RNF150: variants seen among roughly 807,000 people sequenced by gnomAD.
The protein encoded by RNF150 is ring finger protein 150.
Under a neutral mutation model 39.3 loss-of-function variants are expected in RNF150, and 24 were observed. The ratio of observed to expected loss-of-function variants is 0.61; its 90% CI spans 0.44 to 0.86. The LOEUF (loss-of-function observed/expected upper bound fraction) is 0.86. Among genes scored for constraint, RNF150 ranks in the 40% least tolerant of loss-of-function variants. The probability of loss-of-function intolerance (pLI) is 0.00; values close to 1 mark genes in which losing one functional copy is unlikely to be tolerated. For missense variants in RNF150, 502 were observed against 587.8 expected (o/e 0.85, Z 1.51); for synonymous variants, 255 against 227.3 (o/e 1.12, Z -1.10).
chr4:140,889,316 C>T (rs1303397215), intron 6 of RNF150, among the ~76,000 whole-genome samples: 1 of 152,178 alleles, frequency 6.6e-6, no homozygotes, highest in Non-Finnish European at 1.5e-5. Context: ...CCTCTATTCT[C>T]ACACCTTTCA....
At chr4:141,173,301 G>A (rs1727760808) in intron 1 of RNF150, among the ~76,000 whole-genome samples, 1 of 152,150 alleles carries the variant, frequency 6.6e-6, no homozygotes, top group Non-Finnish European at 1.5e-5. Flanking sequence ...TATAGTGGGT[G>A]TCTTTTATAA....
Position 140,878,219 on chromosome 4 carries a change from T to C in RNF150, c.1199-9840A>G, listed in dbSNP as rs531300507. The stretch of plus-strand genomic sequence containing the variant: ...TCTTGTTTTATCACCCAGGCTGGAG[T>C]GCAGTGGCACAATCTTGGCTTACCT... On this transcript the variant is annotated intron_variant, in intron 6 of 6. Coordinates refer to ENST00000515673, the MANE Select transcript of RNF150 (RefSeq NM_020724.2). Among the ~76,000 whole-genome samples the C allele has an allele frequency of 4.0e-3, 222 of 54,876 alleles. 1 individual carries two copies. The highest frequency in any genetic ancestry group is 0.013 in the African/African-American group (214 of 16,122). 36.0% of individuals were successfully genotyped at this position (54,876 alleles called of 152,430 possible).
chr4:140,902,862 T>A (rs1032610948), intron 6 of RNF150, among the ~76,000 whole-genome samples: 4 of 152,168 alleles, frequency 2.6e-5, no homozygotes, highest in African/African-American at 9.7e-5. Flanking sequence ...CAGCCATTCA[T>A]CTGAAATGAA....
intron 4 of RNF150, among the ~76,000 whole-genome samples, chr4:140,938,973 G>A (rs933418541): frequency 1.3e-5 from 2 of 152,128 alleles, no homozygotes; most frequent in Non-Finnish European, 2.9e-5. Context: ...GTCAATTCTC[G>A]ACACATGGTA....
chr4:140,876,325 G>T (rs895861319), intron 6 of RNF150, among the ~76,000 whole-genome samples: 2 of 152,218 alleles, frequency 1.3e-5, no homozygotes, highest in Non-Finnish European at 2.9e-5. Context: ...GGCTGGGGCA[G>T]TGTCTATATA....
intron 1 of RNF150, among the ~76,000 whole-genome samples, chr4:141,005,853 G>A (rs1240617978): frequency 7.7e-6 from 1 of 130,642 alleles, no homozygotes; most frequent in Admixed American, 7.5e-5. Context: ...CGGATCACGA[G>A]GTCAGGAGAT....
chr4:141,173,518 A>G (rs1313081613), intron 1 of RNF150, among the ~76,000 whole-genome samples: 1 of 152,160 alleles, frequency 6.6e-6, no homozygotes, highest in African/African-American at 2.4e-5. Context: ...CAAGGAGTTC[A>G]CCTAAGTTGA....
At chr4:140,897,591 C>T (rs1463333510) in intron 6 of RNF150, among the ~76,000 whole-genome samples, 1 of 152,178 alleles carries the variant, frequency 6.6e-6, no homozygotes, top group African/African-American at 2.4e-5. Context: ...CCATGTGTGA[C>T]CTCTGACATG....
rs574177407 is a variant in RNF150, at chr4:141,172,597, A to G, written c.-6+40197T>C. Among the ~76,000 whole-genome samples, 9 of 152,328 alleles carry G rather than the reference A, an allele frequency of 5.9e-5. 1 individual carries two copies. The South Asian group carries it at 1.9e-3, about 32-fold the overall frequency. On this transcript the variant is annotated intron_variant, in intron 1 of 7. Transcript: ENST00000420921. ...GATATGACTCAGCTGTACCCATACCAGCTGGTGAGCCGTGTGCCCATGATA... is the reference window on the plus strand; with the variant it reads ...GATATGACTCAGCTGTACCCATACCGGCTGGTGAGCCGTGTGCCCATGATA...
At position 140,898,537 on chromosome 4, in the gene RNF150, T is replaced by A. The variant is rs143919848; in HGVS notation, c.1198+12607A>T. Among the ~76,000 whole-genome samples the A allele has an allele frequency of 5.3e-3, 805 of 152,376 alleles. 6 individuals are homozygous for A. Among genetic ancestry groups the A allele is most frequent in the African/African-American group, 0.018 (769 of 41,596 alleles). ...GTACAAATGTCTGACACATATGATA[T>A]GCATATATGAACATGTTATAGGTTT... On this transcript the variant is annotated intron_variant, in intron 6 of 6. Coordinates refer to ENST00000515673, the MANE Select transcript of RNF150 (RefSeq NM_020724.2).
chr4:140,873,592 G>A (rs190463049), intron 6 of RNF150, among the ~76,000 whole-genome samples: 1 of 152,312 alleles, frequency 6.6e-6, no homozygotes, highest in Admixed American at 6.5e-5. Flanking sequence ...CTTAAAGACT[G>A]ATCCCAAGTC....
chr4:141,114,923 C>T (rs1739501774), intron 1 of RNF150, among the ~76,000 whole-genome samples: 1 of 152,122 alleles, frequency 6.6e-6, no homozygotes, highest in African/African-American at 2.4e-5. Flanking sequence ...GCACAAAAGG[C>T]TTTCGATACA....
chr4:141,057,393 T>C lies in RNF150; in HGVS notation c.484+74932A>G, dbSNP rs1218382533. Among the ~76,000 whole-genome samples, 4 of 152,050 alleles carry C rather than the reference T, an allele frequency of 2.6e-5. No individual in the cohort carries two copies. In the South Asian group the frequency reaches 6.2e-4, roughly 24 times the overall value. ...AGAAAGCTATCAGCAAAAAGGTTCA[T>C]GGTGTTACTTCTTTTAAAAAATTAA... On this transcript the variant is annotated intron_variant, in intron 1 of 6. Transcript: ENST00000515673.
chr4:140,862,323 C>T lies in RNF150; in HGVS notation c.*5938G>A, dbSNP rs1297533085. 6 of 152,158 alleles carry T rather than the reference C, an allele frequency of 3.9e-5. No individual in the cohort carries two copies. Among genetic ancestry groups the T allele is most frequent in the African/African-American group, 7.2e-5 (3 of 41,434 alleles). 9.4% of individuals were successfully genotyped at this position (152,158 alleles called of 1,614,324 possible). On this transcript the variant is annotated 3_prime_UTR_variant, in exon 7 of 7. Transcript: ENST00000515673. Reference sequence around the variant, plus strand: ...CAAATGGCTCTGTATTAAGTGCAAACGTCAGTGGTAGCACAGAATTAGAAG... The same window carrying T: ...CAAATGGCTCTGTATTAAGTGCAAATGTCAGTGGTAGCACAGAATTAGAAG...
intron 1 of RNF150, among the ~76,000 whole-genome samples, chr4:141,102,880 G>T (rs1224084188): frequency 6.6e-6 from 1 of 152,184 alleles, no homozygotes; most frequent in East Asian, 1.9e-4. Context: ...ACTACCGTGG[G>T]TCTTCACTAG....
At chr4:141,203,848 T>C (rs1415805933) in intron 1 of RNF150, among the ~76,000 whole-genome samples, 1 of 151,814 alleles carries the variant, frequency 6.6e-6, no homozygotes, top group East Asian at 1.9e-4. Context: ...AACAGAAATA[T>C]GCCCTCCCAA....
intron 1 of RNF150, among the ~76,000 whole-genome samples, chr4:141,209,414 C>T (rs907390488): frequency 1.3e-5 from 2 of 152,136 alleles, no homozygotes; most frequent in African/African-American, 2.4e-5. Flanking sequence ...TTAATCCAGT[C>T]TTCTGCCGAA....
At position 141,172,272 on chromosome 4, in the gene RNF150, C is replaced by T. The variant is rs75229032; in HGVS notation, c.-6+40522G>A. On this transcript the variant is annotated intron_variant, in intron 1 of 7. Transcript: ENST00000420921. Reference sequence around the variant, plus strand: ...CAGAGGTGCAAGAGGGCAAACAGAACTTATGAGATCTCTTACCACCTAAGC... The same window carrying T: ...CAGAGGTGCAAGAGGGCAAACAGAATTTATGAGATCTCTTACCACCTAAGC... 1.9e-3 allele frequency among the ~76,000 whole-genome samples: 295 copies of T among 152,278 alleles called. 1 individual carries two copies. Among genetic ancestry groups the T allele is most frequent in the African/African-American group, 6.6e-3 (276 of 41,560 alleles).
intron 1 of RNF150, among the ~76,000 whole-genome samples, chr4:141,091,003 T>C (rs1230073760): frequency 2.0e-5 from 3 of 152,212 alleles, no homozygotes; most frequent in Non-Finnish European, 4.4e-5. Context: ...TCTATTCTAC[T>C]TGGTGAGTCC....
Sources: gnomAD v4.1 joint callset for allele counts (sites outside exome capture counted in the v4.1 genomes callset) on GRCh38, gnomAD v4.1.1 for gene constraint, MANE v1.5 for transcripts, NCBI Gene and HGNC (gene_info 2026-07-23, HGNC 2026-07-21) for gene names.